The following ARHGAP26 variants were observed in gnomAD, a reference collection of about 807,000 sequenced individuals.
ARHGAP26 encodes the protein Rho GTPase activating protein 26.
Under a neutral mutation model 104.8 loss-of-function variants are expected in ARHGAP26, and 38 were observed. The ratio of observed to expected loss-of-function variants is 0.36; its 90% CI spans 0.28 to 0.48. The LOEUF (loss-of-function observed/expected upper bound fraction) is 0.48. Ranked by LOEUF, ARHGAP26 falls within the 20% of genes least tolerant of loss-of-function variation. The pLI, the probability that ARHGAP26 is intolerant of heterozygous loss-of-function variation, is 0.99. For missense variants in ARHGAP26, 704 were observed against 947.9 expected (o/e 0.74, Z 3.38); for synonymous variants, 341 against 340.0 (o/e 1.00, Z -0.03).
rs1811642833 is a variant in ARHGAP26, at chr5:143,226,155, C to G, written c.*3709C>G. On this transcript the variant is annotated 3_prime_UTR_variant, in exon 23 of 23. Transcript: ENST00000645722. ...GGGGTATTAAGGTCAGCCTCTCACT[C>G]TTCCTTCAGGTTACTAACAAAATTT... 5.2e-6 allele frequency: 1 copy of G among 191,110 alleles called. No individual in the cohort carries two copies. The highest frequency in any genetic ancestry group is 6.2e-5 in the Admixed American group (1 of 16,260). The allele number at this position is 191,110 out of a possible 1,614,324, so 11.8% of individuals were successfully genotyped here. A position where few individuals can be genotyped will look rare whatever the true frequency, so the allele number is the denominator to read the frequency against.
chr5:143,054,899 TG>T (rs1460093981), intron 15 of ARHGAP26, among the ~76,000 whole-genome samples: 2 of 152,274 alleles, frequency 1.3e-5, no homozygotes, highest in Non-Finnish European at 2.9e-5. Flanking sequence ...TCATGTATTT[TG>T]ATAGTTTCAT....
At chr5:142,847,365 T>C (rs1237637236) in intron 1 of ARHGAP26, among the ~76,000 whole-genome samples, 1 of 151,902 alleles carries the variant, frequency 6.6e-6, no homozygotes, top group Admixed American at 6.6e-5. Flanking sequence ...GAGATGTCTT[T>C]TTTTTTTTTG....
intron 22 of ARHGAP26, among the ~76,000 whole-genome samples, chr5:143,218,601 A>G (rs1008426118): frequency 6.6e-6 from 1 of 152,210 alleles, no homozygotes; most frequent in Non-Finnish European, 1.5e-5. Flanking sequence ...TATGGTGTAC[A>G]TGGGTAGAGC....
chr5:142,899,120 AC>A (rs1759905988), intron 6 of ARHGAP26, among the ~76,000 whole-genome samples: 1 of 152,032 alleles, frequency 6.6e-6, no homozygotes, highest in African/African-American at 2.4e-5. Flanking sequence ...CCACATTTTC[AC>A]CTTTCTAAGG....
chr5:142,998,744 C>G (rs1376054492), intron 11 of ARHGAP26, among the ~76,000 whole-genome samples: 1 of 149,132 alleles, frequency 6.7e-6, no homozygotes, highest in Admixed American at 6.7e-5. Flanking sequence ...AAAAAAAGAA[C>G]AAAAAAAAAG....
At chr5:143,166,070 C>A in intron 20 of ARHGAP26, 1 of 1,322,858 alleles carries the variant, frequency 7.6e-7, no homozygotes, top group Non-Finnish European at 1.0e-6. Flanking sequence ...TACTGAGGTG[C>A]AGAGTCCTGC....
At chr5:143,213,102 A>G (rs931486607) in intron 21 of ARHGAP26, among the ~76,000 whole-genome samples, 1 of 152,082 alleles carries the variant, frequency 6.6e-6, no homozygotes, top group Non-Finnish European at 1.5e-5. Flanking sequence ...CCGAGATCGC[A>G]CCACTGCACT....
At chr5:142,914,027 T>A (rs1762171232) in intron 10 of ARHGAP26, among the ~76,000 whole-genome samples, 1 of 152,252 alleles carries the variant, frequency 6.6e-6, no homozygotes. Flanking sequence ...AGCACCAAGA[T>A]CCTTAAATCT....
chr5:143,111,162 C>G (rs1599060623), intron 17 of ARHGAP26, among the ~76,000 whole-genome samples: 1 of 152,288 alleles, frequency 6.6e-6, no homozygotes, highest in East Asian at 1.9e-4. Flanking sequence ...ATAGATGACC[C>G]TAATATTCTT....
Position 143,057,706 on chromosome 5 carries a change from A to G in ARHGAP26, c.1497A>G (p.Lys499=). The change falls in exon 17 of 23, where the codon AAA becomes AAG. Residue 499 remains lysine, a synonymous_variant. Coordinates refer to ENST00000645722, the MANE Select transcript of ARHGAP26 (RefSeq NM_001135608.3). ...IHSLVHRLPE[K]NRQMLQLLMN... ...GCCTTGTTCATCGGCTCCCAGAGAAAAATCGGCAGATGTTACAGCTGCTCA... is the reference window on the plus strand; with the variant it reads ...GCCTTGTTCATCGGCTCCCAGAGAAGAATCGGCAGATGTTACAGCTGCTCA... The G allele has an allele frequency of 1.2e-6, 2 of 1,613,964 alleles. No individual in the cohort carries two copies. Among genetic ancestry groups the G allele is most frequent in the Non-Finnish European group, 1.7e-6 (2 of 1,179,888 alleles).
intron 1 of ARHGAP26, among the ~76,000 whole-genome samples, chr5:142,850,092 T>C (rs1302472275): frequency 6.6e-6 from 1 of 152,244 alleles, no homozygotes; most frequent in African/African-American, 2.4e-5. Flanking sequence ...TGCAGCCTCA[T>C]GCCCTCATTG....
At chr5:142,968,841 T>C (rs185711877) in intron 11 of ARHGAP26, among the ~76,000 whole-genome samples, 2 of 152,360 alleles carry the variant, frequency 1.3e-5, no homozygotes, top group East Asian at 3.9e-4. Flanking sequence ...TGCTGGCACA[T>C]AATAGATGCT....
At chr5:143,122,753 G>A (rs1333201443) in intron 18 of ARHGAP26, among the ~76,000 whole-genome samples, 1 of 152,156 alleles carries the variant, frequency 6.6e-6, no homozygotes, top group East Asian at 1.9e-4. Flanking sequence ...TGGCCTGTTT[G>A]GGGATTTGCC....
chr5:142,874,066 A>G (rs1208385333), intron 2 of ARHGAP26, among the ~76,000 whole-genome samples: 1 of 152,108 alleles, frequency 6.6e-6, no homozygotes, highest in Non-Finnish European at 1.5e-5. Flanking sequence ...CTGCCTTCAG[A>G]TAGGGAGAGG....
intron 14 of ARHGAP26, among the ~76,000 whole-genome samples, chr5:143,054,165 T>C (rs1385639243): frequency 6.6e-6 from 1 of 152,228 alleles, no homozygotes; most frequent in African/African-American, 2.4e-5. Flanking sequence ...TTTAAGACTT[T>C]GATACATATT....
intron 17 of ARHGAP26, among the ~76,000 whole-genome samples, chr5:143,058,367 C>G (rs1183838245): frequency 2.0e-5 from 3 of 152,218 alleles, no homozygotes; most frequent in Non-Finnish European, 4.4e-5. Context: ...CACTTGTCCT[C>G]TGAGATAATC....
intron 20 of ARHGAP26, among the ~76,000 whole-genome samples, chr5:143,150,937 A>G (rs1178500608): frequency 1.3e-5 from 2 of 152,362 alleles, no homozygotes; most frequent in African/African-American, 4.8e-5. Flanking sequence ...TGTTTAAACT[A>G]AAAACTTCTG....
intron 11 of ARHGAP26, among the ~76,000 whole-genome samples, chr5:142,970,097 C>G (rs1772028303): frequency 6.6e-6 from 1 of 152,174 alleles, no homozygotes; most frequent in Non-Finnish European, 1.5e-5. Flanking sequence ...AGCAGATGAA[C>G]AGGGTGCATA....
At chr5:143,100,203 T>C (rs923043295) in intron 17 of ARHGAP26, among the ~76,000 whole-genome samples, 1 of 152,162 alleles carries the variant, frequency 6.6e-6, no homozygotes, top group Non-Finnish European at 1.5e-5. Context: ...ACGTGAAATA[T>C]CAGGTTCAGT....
Sources: gnomAD v4.1 joint callset for allele counts (sites outside exome capture counted in the v4.1 genomes callset) on GRCh38, gnomAD v4.1.1 for gene constraint, MANE v1.5 for transcripts, NCBI Gene and HGNC (gene_info 2026-07-23, HGNC 2026-07-21) for gene names.